LIPH: variants seen among roughly 807,000 people sequenced by gnomAD.
The protein encoded by LIPH is lipase member H.
In LIPH, 32 loss-of-function variants were observed where a neutral mutation model predicts 47.6. The observed-to-expected ratio is 0.67, with a 90% CI of 0.51 to 0.90. LIPH has a LOEUF of 0.90. LIPH is among the 40% of genes least tolerant of loss of function. The probability of loss-of-function intolerance (pLI) is 0.00; values close to 1 mark genes in which losing one functional copy is unlikely to be tolerated. For synonymous variants in LIPH, 190 were observed against 195.6 expected, an observed-to-expected ratio of 0.97 and a Z score of 0.24; for missense variants, 497 against 541.4, an observed-to-expected ratio of 0.92 and a Z score of 0.81.
chr3:185,522,650 A>AAGGAAAGAAAG (rs1235808164), intron 5 of LIPH, among the ~76,000 whole-genome samples: 1 of 141,896 alleles, frequency 7.0e-6, no homozygotes, highest in Non-Finnish European at 1.5e-5. Context: ...GAGAGAAAGA[A>AAGGAAAGAAAG]AAAGAAAGAA....
chr3:185,532,301 C>T (rs1720355329), intron 3 of LIPH, among the ~76,000 whole-genome samples: 1 of 151,968 alleles, frequency 6.6e-6, no homozygotes, highest in Non-Finnish European at 1.5e-5. Context: ...TGCTTGAGCC[C>T]AGGAGTTCAA....
intron 4 of LIPH, among the ~76,000 whole-genome samples, chr3:185,526,715 A>C (rs1260209720): frequency 6.8e-6 from 1 of 147,438 alleles, no homozygotes; most frequent in Non-Finnish European, 1.5e-5. Flanking sequence ...AATAAATAAA[A>C]TAAAATAAAA....
chr3:185,514,467 T>C lies in LIPH; in HGVS notation c.1037A>G (p.Asp346Gly). Reference protein sequence around the residue: ...ITWNKNVRRGDITIKLRDKAG... With the variant: ...ITWNKNVRRGGITIKLRDKAG... ...TTTGTCTCTCAATTTGATGGTAATGTCCCCTCTTCTTACATTCTTGTTCCA... is the reference window on the plus strand; with the variant it reads ...TTTGTCTCTCAATTTGATGGTAATGCCCCCTCTTCTTACATTCTTGTTCCA... Residue 346 changes from aspartate to glycine, a missense_variant, in exon 8 of 10, where the codon GAC becomes GGC. Asp to Gly is a moderately conservative substitution (Grantham distance 94). Coordinates refer to ENST00000296252, the MANE Select transcript of LIPH (RefSeq NM_139248.3). 1 of 1,585,570 alleles carries C rather than the reference T, an allele frequency of 6.3e-7. No homozygotes were observed. The highest frequency in any genetic ancestry group is 8.7e-7 in the Non-Finnish European group (1 of 1,153,910).
chr3:185,519,142 C>G lies in LIPH; in HGVS notation c.886G>C (p.Gly296Arg), dbSNP rs141115870. The stretch of plus-strand genomic sequence containing the variant: ...AGAGGAAACTGCTGGTTAGACTTAC[C>G]CAGAAGGGGACAGGACTCTTTTTGT... ...TSQKESCPLL[G>R]YYADNWKDHL... The change falls in exon 6 of 10, where the codon GGC becomes CGC. Residue 296 changes from glycine (G) to arginine (R), a missense_variant and splice_region_variant. By Grantham distance (125) the Gly-to-Arg change is moderately radical. Transcript: ENST00000296252. The G allele has an allele frequency of 1.9e-5, 30 of 1,613,720 alleles. No individual in the cohort carries two copies. The African/African-American group carries it at 3.7e-4, about 20-fold the overall frequency.
intron 1 of LIPH, among the ~76,000 whole-genome samples, chr3:185,548,185 T>A (rs1720938578): frequency 6.6e-6 from 1 of 152,050 alleles, no homozygotes; most frequent in Admixed American, 6.6e-5. Context: ...GGCGGGCGAA[T>A]CACCAGGTCA....
At chr3:185,549,530 C>T (rs781457787) in intron 1 of LIPH, among the ~76,000 whole-genome samples, 1 of 152,232 alleles carries the variant, frequency 6.6e-6, no homozygotes, top group Middle Eastern at 3.4e-3. Context: ...AGCAGAGTAA[C>T]TTTTAAAAAT....
chr3:185,551,786 A>G lies in LIPH; in HGVS notation c.49+637T>C, dbSNP rs1179698574. ...CTATCTGAAACAAAACTGAATACCTAAAAAGGTTGCAAAGTGTTGAATTTT... is the reference window on the plus strand; with the variant it reads ...CTATCTGAAACAAAACTGAATACCTGAAAAGGTTGCAAAGTGTTGAATTTT... On this transcript the variant is annotated intron_variant, in intron 1 of 9. Transcript: ENST00000296252. 2.6e-5 allele frequency among the ~76,000 whole-genome samples: 4 copies of G among 152,264 alleles called. No homozygotes were observed. The South Asian group carries it at 6.2e-4, about 24-fold the overall frequency.
chr3:185,509,782 C>G (rs1266184381), intron 9 of LIPH, among the ~76,000 whole-genome samples: 2 of 151,996 alleles, frequency 1.3e-5, no homozygotes, highest in Non-Finnish European at 2.9e-5. Context: ...TTTCTGTTTC[C>G]TGACAATTTC....
At chr3:185,540,378 T>C (rs1720664757) in intron 1 of LIPH, among the ~76,000 whole-genome samples, 1 of 152,174 alleles carries the variant, frequency 6.6e-6, no homozygotes. Flanking sequence ...TTGGGAAGTT[T>C]ATAGCTTGCT....
chr3:185,512,827 G>A (rs188643572), intron 8 of LIPH, among the ~76,000 whole-genome samples: 2 of 152,206 alleles, frequency 1.3e-5, no homozygotes, highest in African/African-American at 2.4e-5. Flanking sequence ...TAATCGTGAC[G>A]AGGTATCTGT....
intron 1 of LIPH, among the ~76,000 whole-genome samples, chr3:185,547,714 A>G (rs1276449836): frequency 6.6e-6 from 1 of 151,940 alleles, no homozygotes; most frequent in East Asian, 2.0e-4. Context: ...ATCCCCAGTT[A>G]CTTGGGAGGC....
intron 9 of LIPH, among the ~76,000 whole-genome samples, 159 bp from the exon 10 acceptor site, chr3:185,509,036 C>G (rs1719471438): frequency 6.6e-6 from 1 of 151,802 alleles, no homozygotes; most frequent in African/African-American, 2.4e-5. Context: ...GCCTGTAATC[C>G]CACCCAGCAT....
At chr3:185,541,325 C>A (rs1440831090) in intron 1 of LIPH, among the ~76,000 whole-genome samples, 2 of 152,050 alleles carry the variant, frequency 1.3e-5, no homozygotes, top group African/African-American at 4.8e-5. Context: ...ATACATACAC[C>A]CCTGGAAGCA....
chr3:185,532,448 G>A (rs1720361284), intron 3 of LIPH, among the ~76,000 whole-genome samples: 1 of 151,688 alleles, frequency 6.6e-6, no homozygotes, highest in South Asian at 2.1e-4. Context: ...GGGGCGTTGA[G>A]GCTGCAGTGA....
chr3:185,545,929 G>A (rs1720856515), intron 1 of LIPH, among the ~76,000 whole-genome samples: 1 of 151,928 alleles, frequency 6.6e-6, no homozygotes, highest in Admixed American at 6.6e-5. Flanking sequence ...GCTGACGCAG[G>A]CAGATCACCT....
At chr3:185,518,603 A>G (rs1719804952) in intron 6 of LIPH, among the ~76,000 whole-genome samples, 1 of 152,002 alleles carries the variant, frequency 6.6e-6, no homozygotes, top group Non-Finnish European at 1.5e-5. Context: ...AACACTGTTT[A>G]TTAGTAGGAG....
Position 185,527,576 on chromosome 3 carries a change from G to A in LIPH, c.536C>T (p.Pro179Leu). 6.2e-7 allele frequency: 1 copy of A among 1,609,960 alleles called. No individual in the cohort carries two copies. Among genetic ancestry groups the A allele is most frequent in the Non-Finnish European group, 8.5e-7 (1 of 1,177,566 alleles). The change falls in exon 4 of 10, where the codon CCT becomes CTT. Residue 179 changes from proline to leucine, a missense_variant. Physicochemically the swap from Pro to Leu is moderately conservative, Grantham distance 98. Transcript: ENST00000296252. ...TTTCCCGTTGAATAAAGGGCCTGCA[G>A]GGTCGAGGCCTGGAAGGAAAACAGA... is the stretch of plus-strand genomic sequence containing the variant. ...GWLGRITGLD[P>L]AGPLFNGKPH...
At chr3:185,522,650 A>AAGAAAGAAAAAGAAAGAAAG (rs1235808164) in intron 5 of LIPH, among the ~76,000 whole-genome samples, 1 of 141,896 alleles carries the variant, frequency 7.0e-6, no homozygotes, top group Non-Finnish European at 1.5e-5. Flanking sequence ...GAGAGAAAGA[A>AAGAAAGAAAAAGAAAGAAAG]AAAGAAAGAA....
At chr3:185,536,390 C>G (rs962127672) in intron 1 of LIPH, among the ~76,000 whole-genome samples, 1 of 152,172 alleles carries the variant, frequency 6.6e-6, no homozygotes, top group Non-Finnish European at 1.5e-5. Flanking sequence ...AGTGGGCCAA[C>G]AGAAGACAAG....
Sources: allele counts gnomAD v4.1 joint callset (sites outside exome capture counted in the v4.1 genomes callset), GRCh38; gene constraint gnomAD v4.1.1; transcripts MANE v1.5; gene names NCBI Gene and HGNC (gene_info 2026-07-23, HGNC 2026-07-21).